Variants in ADGRL2 observed in about 807,000 individuals in gnomAD.
ADGRL2 encodes the protein adhesion G protein-coupled receptor L2.
ADGRL2 carries 44 observed loss-of-function variants against 157.4 expected under a neutral mutation model. The observed-to-expected ratio is 0.28, with a 90% CI of 0.22 to 0.36. The LOEUF (loss-of-function observed/expected upper bound fraction) is 0.36, where lower values mean the gene tolerates loss of function less well. Among genes scored for constraint, ADGRL2 ranks in the 10% least tolerant of loss-of-function variants. The pLI is 1.00. For synonymous variants in ADGRL2, 585 were observed against 624.7 expected (o/e 0.94, Z 0.95); for missense variants, 1,510 against 1,768.9 (o/e 0.85, Z 2.63).
At chr1:81,829,380 CTTTTG>C (rs1255570666) in intron 1 of ADGRL2, among the ~76,000 whole-genome samples, 1 of 151,988 alleles carries the variant, frequency 6.6e-6, no homozygotes, top group Non-Finnish European at 1.5e-5. Flanking sequence ...CAAGAAAATC[CTTTTG>C]TTTTGAGTTT....
rs1049627522 is a variant in ADGRL2 at position 81,721,834 on chromosome 1, TA to T, written c.-143+22029del. On this transcript the variant is annotated intron_variant, in intron 1 of 20. Coordinates refer to the ADGRL2 transcript ENST00000359929. ...AAGTACCACCTGCTACTCAGAAAGC[TA>T]AATCTGAAGAAAATACCAAGGGGAA... The T allele has an allele frequency of 2.0e-5, 19 of 927,996 alleles. No individual in the cohort carries two copies. The African/African-American group carries it at 2.8e-4, about 13-fold the overall frequency. 57.5% of individuals were successfully genotyped at this position (927,996 alleles called of 1,614,324 possible). A position where few individuals can be genotyped will look rare whatever the true frequency, so the allele number is the denominator to read the frequency against.
chr1:81,870,684 T>A (rs1422241721), intron 2 of ADGRL2, among the ~76,000 whole-genome samples: 3 of 152,092 alleles, frequency 2.0e-5, no homozygotes, highest in Admixed American at 6.6e-5. Flanking sequence ...AAGCTTTTGT[T>A]TTTTGTTGGC....
intron 2 of ADGRL2, among the ~76,000 whole-genome samples, chr1:81,527,347 A>G (rs2079484606): frequency 6.6e-6 from 1 of 152,144 alleles, no homozygotes; most frequent in Admixed American, 6.6e-5. Flanking sequence ...TAATATTAAG[A>G]GGGGGAGTCT....
intron 1 of ADGRL2, among the ~76,000 whole-genome samples, chr1:81,827,515 T>G (rs2091592546): frequency 6.6e-6 from 1 of 152,246 alleles, no homozygotes; most frequent in African/African-American, 2.4e-5. Context: ...CTAGAATTTC[T>G]CCCCGAACAC....
chr1:81,585,392 C>A (rs986060226), intron 3 of ADGRL2, among the ~76,000 whole-genome samples: 2 of 152,024 alleles, frequency 1.3e-5, no homozygotes, highest in Non-Finnish European at 2.9e-5. Flanking sequence ...TTCTGTAGTT[C>A]AAACTGCATT....
chr1:81,878,834 ATTTC>A (rs1478266998), intron 2 of ADGRL2, among the ~76,000 whole-genome samples: 1 of 152,142 alleles, frequency 6.6e-6, no homozygotes. Context: ...CACTAAGAAT[ATTTC>A]TTTTCTAAAA....
chr1:81,623,818 G>T (rs2081850985), intron 3 of ADGRL2, among the ~76,000 whole-genome samples: 1 of 151,922 alleles, frequency 6.6e-6, no homozygotes, highest in Non-Finnish European at 1.5e-5. Context: ...TGTATTTTTA[G>T]TAGAGACGGA....
At chr1:81,872,460 A>C (rs574654394) in intron 2 of ADGRL2, among the ~76,000 whole-genome samples, 1 of 152,292 alleles carries the variant, frequency 6.6e-6, no homozygotes, top group South Asian at 2.1e-4. Flanking sequence ...TATTGCTGGA[A>C]GATGAAAAAT....
intron 1 of ADGRL2, among the ~76,000 whole-genome samples, chr1:81,331,371 G>A (rs1388578186): frequency 6.6e-6 from 1 of 152,010 alleles, no homozygotes; most frequent in Non-Finnish European, 1.5e-5. Flanking sequence ...GACCCTTTGG[G>A]GGTATGTTAC....
At chr1:81,587,561 G>T (rs183963117) in intron 3 of ADGRL2, among the ~76,000 whole-genome samples, 2 of 152,228 alleles carry the variant, frequency 1.3e-5, no homozygotes, top group Non-Finnish European at 2.9e-5. Context: ...GTAGGAGGAA[G>T]AGTCTATCAT....
At chr1:81,908,023 G>A (rs769604194) in intron 3 of ADGRL2, among the ~76,000 whole-genome samples, 15 of 152,054 alleles carry the variant, frequency 9.9e-5, no homozygotes, top group Non-Finnish European at 2.2e-4. Flanking sequence ...GTAGTGTGAC[G>A]CATTATCTTT....
chr1:81,426,537 C>G, intron 1 of ADGRL2: 1 of 432,062 alleles, frequency 2.3e-6, no homozygotes, highest in Non-Finnish European at 4.6e-6. Flanking sequence ...GGATCATGAT[C>G]CAAAGGAACC....
chr1:81,733,559 C>A (rs940626267), intron 1 of ADGRL2, among the ~76,000 whole-genome samples: 4 of 152,202 alleles, frequency 2.6e-5, no homozygotes, highest in Admixed American at 1.3e-4. Flanking sequence ...CCCTCACGGC[C>A]TCATTTTAAC....
chr1:81,503,036 G>T, intron 2 of ADGRL2: 2 of 1,611,666 alleles, frequency 1.2e-6, no homozygotes, highest in Non-Finnish European at 1.7e-6. Context: ...GCTGGTACTC[G>T]GACCGCCGCA....
At chr1:81,821,870 T>C (rs2091013968) in intron 1 of ADGRL2, among the ~76,000 whole-genome samples, 1 of 152,150 alleles carries the variant, frequency 6.6e-6, no homozygotes, top group Non-Finnish European at 1.5e-5. Flanking sequence ...CAATGTTGTT[T>C]GATTTGTAAA....
At chr1:81,338,889 C>A (rs1661849128) in intron 1 of ADGRL2, among the ~76,000 whole-genome samples, 1 of 152,218 alleles carries the variant, frequency 6.6e-6, no homozygotes, top group African/African-American at 2.4e-5. Context: ...GGGTCTTCAA[C>A]TGCCCTCTTC....
intron 3 of ADGRL2, among the ~76,000 whole-genome samples, chr1:81,627,377 G>A (rs2081931864): frequency 6.6e-6 from 1 of 152,124 alleles, no homozygotes; most frequent in African/African-American, 2.4e-5. Context: ...AGAGGGACAG[G>A]CCTTTAATTG....
Position 81,630,007 on chromosome 1 carries a change from A to AAT in ADGRL2, c.-143+49039_-143+49040dup, listed in dbSNP as rs200472541. 4.1e-3 allele frequency among the ~76,000 whole-genome samples: 628 copies of AAT among 151,428 alleles called. 7 individuals are homozygous for AAT. Among genetic ancestry groups the AAT allele is most frequent in the Admixed American group, 0.023 (354 of 15,148 alleles). ...GCGTACATATCCATATGTATATATG[A>AAT]ATATATATATATAGGCATATATATA... On this transcript the variant is annotated intron_variant, in intron 3 of 24. Coordinates refer to the ADGRL2 transcript ENST00000370721.
chr1:81,393,720 C>T (rs985437954), intron 1 of ADGRL2, among the ~76,000 whole-genome samples: 1 of 146,560 alleles, frequency 6.8e-6, no homozygotes, highest in Non-Finnish European at 1.5e-5. Context: ...CAAATAAATG[C>T]ATGAGGATAA....
Sources: gnomAD v4.1 joint callset for allele counts (sites outside exome capture counted in the v4.1 genomes callset) on GRCh38, gnomAD v4.1.1 for gene constraint, MANE v1.5 for transcripts, NCBI Gene and HGNC (gene_info 2026-07-23, HGNC 2026-07-21) for gene names.